The following HIPK4 variants were observed in gnomAD, a reference collection of about 807,000 sequenced individuals.
HIPK4 encodes the protein homeodomain-interacting protein kinase 4.
A neutral mutation model predicts 44.8 loss-of-function variants in HIPK4; 26 were observed. The observed-to-expected ratio is 0.58, with a 90% CI of 0.43 to 0.80. HIPK4 has a LOEUF of 0.80. Among genes scored for constraint, HIPK4 ranks in the 30% least tolerant of loss-of-function variants. The pLI is 0.00. For missense variants in HIPK4, 729 were observed against 862.6 expected, an observed-to-expected ratio of 0.85 and a Z score of 1.94; for synonymous variants, 340 against 355.5, an observed-to-expected ratio of 0.96 and a Z score of 0.49.
intron 1 of HIPK4, among the ~76,000 whole-genome samples, chr19:40,385,685 T>C (rs967756849): frequency 2.5e-5 from 2 of 81,486 alleles, no homozygotes; most frequent in Non-Finnish European, 2.3e-5. Context: ...TTTCTTTTCT[T>C]TTTTTTTTTT....
Position 40,380,615 on chromosome 19 carries a change from G to A in HIPK4, c.1376C>T (p.Ala459Val). ...AVSDMMVPLK[A>V]AITGHHVPDS... ...GGGCACATGGTGGCCAGTGATGGCT[G>A]CCTTGAGGGGGACCATCATGTCGGA... Residue 459 changes from alanine to valine, a missense_variant, in exon 3 of 4, where the codon GCA (alanine) becomes GTA (valine). By Grantham distance (64) the Ala-to-Val change is moderately conservative. Coordinates refer to ENST00000291823, the MANE Select transcript of HIPK4 (RefSeq NM_144685.5). This position sits in a 1 kb window ranked among gnomAD's most constrained non-coding sequence, Gnocchi z 4.2. 2 of 1,613,488 alleles carry A rather than the reference G, an allele frequency of 1.2e-6. No homozygotes were observed. Among genetic ancestry groups the A allele is most frequent in the South Asian group, 1.1e-5 (1 of 91,092 alleles).
rs777338552 is a variant in HIPK4, at chr19:40,381,097, A to G, written c.894T>C (p.Ser298=). The part of the protein sequence containing the change: ...LDQIETVNGG[S]VASRLTFPDR... ...CAGGGAAGGTTAGCCGACTGGCCAC[A>G]CTGCCACCATTCACTGTCTCAATCT... The change falls in exon 3 of 4, where the codon AGT becomes AGC. Residue 298 remains serine, a synonymous_variant. Transcript: ENST00000291823. 33 of 1,611,428 alleles carry G rather than the reference A, an allele frequency of 2.0e-5. No homozygotes were observed. The highest frequency in any genetic ancestry group is 3.3e-4 in the Middle Eastern group (2 of 6,084).
chr19:40,388,532 T>C (rs1173667617), intron 1 of HIPK4, among the ~76,000 whole-genome samples: 1 of 152,182 alleles, frequency 6.6e-6, no homozygotes, highest in African/African-American at 2.4e-5. Flanking sequence ...CCCTGCTGTG[T>C]TTGTGGAAGT....
chr19:40,385,754 C>G (rs1428452212), intron 1 of HIPK4, among the ~76,000 whole-genome samples: 5 of 127,568 alleles, frequency 3.9e-5, no homozygotes, highest in Non-Finnish European at 6.2e-5. Context: ...GTCACCCAGG[C>G]TGGAGTGCAA....
At position 40,389,552 on chromosome 19, in the gene HIPK4, G is replaced by A. The variant is rs779554086; in HGVS notation, c.351C>T (p.Thr117=). The A allele has an allele frequency of 2.5e-6, 4 of 1,613,906 alleles. No homozygotes were observed. In the African/African-American group the frequency reaches 5.3e-5, roughly 22 times the overall value. The change falls in exon 1 of 4, where the codon ACC becomes ACT. Residue 117 remains threonine, a synonymous_variant. Transcript: ENST00000291823. The surrounding 1 kb of genome is among the most constrained non-coding windows in gnomAD (Gnocchi z 4.6). The part of the protein sequence containing the change: ...PLPARHIRTV[T]LQVLTALARL... ...GGGCCAGGGCTGTGAGCACCTGCAG[G>A]GTGACTGTACGGATGTGGCGGGCGG...
At position 40,389,444 on chromosome 19, in the gene HIPK4, C is replaced by T. The variant is rs2079377433; in HGVS notation, c.459G>A (p.Arg153=). 1 of 1,576,156 alleles carries T rather than the reference C, an allele frequency of 6.3e-7. No individual in the cohort carries two copies. The change falls in exon 1 of 4, where the codon AGG becomes AGA. Residue 153 remains arginine (R), a synonymous_variant. Coordinates refer to ENST00000291823, the MANE Select transcript of HIPK4 (RefSeq NM_144685.5). This position sits in a 1 kb window ranked among gnomAD's most constrained non-coding sequence, Gnocchi z 4.6. The stretch of plus-strand genomic sequence containing the variant: ...CTAGACGACCCCTACTCACCTTGAC[C>T]CTGAAGGGGCAGCGGGTCTGGTCCA... ...MLVDQTRCPF[R]VKVIDFGSAS... is the part of the protein sequence containing the mutation.
intron 1 of HIPK4, 56 bp from the exon 2 acceptor site, chr19:40,384,195 G>C: frequency 7.2e-7 from 1 of 1,393,022 alleles, no homozygotes; most frequent in Non-Finnish European, 9.8e-7. Context: ...GGACAGCCGA[G>C]CTGGGCCACC....
At chr19:40,382,300 G>A (rs4803331) in intron 2 of HIPK4, among the ~76,000 whole-genome samples, 131,622 of 152,182 alleles carry the variant, frequency 0.86, 56,979 homozygotes, top group East Asian at 0.95. Context: ...CTAGAGACAC[G>A]GTCTTGCTAT....
intron 2 of HIPK4, among the ~76,000 whole-genome samples, chr19:40,382,295 G>C (rs2079340988): frequency 2.0e-5 from 3 of 152,092 alleles, no homozygotes; most frequent in African/African-American, 7.2e-5. Context: ...TTTTTCTAGA[G>C]ACACGGTCTT....
chr19:40,389,971 C>CGGGAG lies in HIPK4; in HGVS notation c.-70_-69insCTCCC. The CGGGAG allele has an allele frequency of 3.2e-6, 4 of 1,242,250 alleles. No homozygotes were observed. The highest frequency in any genetic ancestry group is 4.5e-6 in the Non-Finnish European group (4 of 889,596). The allele number at this position is 1,242,250 out of a possible 1,614,324, so 77.0% of individuals were successfully genotyped here. On this transcript the variant is annotated 5_prime_UTR_variant, in exon 1 of 4. Coordinates refer to ENST00000291823, the MANE Select transcript of HIPK4 (RefSeq NM_144685.5). This position sits in a 1 kb window ranked among gnomAD's most constrained non-coding sequence, Gnocchi z 4.6. ...CACTGGCTCTGCCGCCCAGGCCTCC[C>CGGGAG]GCCTGGCTGCTGACACAGCAGGCCC...
intron 1 of HIPK4, among the ~76,000 whole-genome samples, chr19:40,385,496 C>A (rs1347232292): frequency 6.6e-6 from 1 of 152,098 alleles, no homozygotes; most frequent in African/African-American, 2.4e-5. Context: ...GCACAGGGCT[C>A]CCTGCCTCAC....
chr19:40,384,648 G>A (rs2145718484), intron 1 of HIPK4, among the ~76,000 whole-genome samples: 1 of 126,506 alleles, frequency 7.9e-6, no homozygotes, highest in Admixed American at 9.6e-5. Context: ...GTCTCACTCT[G>A]TCGCCCAGGC....
In HIPK4 at chr19:40,389,438, C is replaced by T. The variant is rs746647973; in HGVS notation, c.465G>A (p.Lys155=). Residue 155 remains lysine (K), a splice_region_variant and synonymous_variant, in exon 1 of 4, where the codon AAG becomes AAA. Coordinates refer to ENST00000291823, the MANE Select transcript of HIPK4 (RefSeq NM_144685.5). This position sits in a 1 kb window ranked among gnomAD's most constrained non-coding sequence, Gnocchi z 4.6. Reference sequence around the variant, plus strand: ...GCCACCCTAGACGACCCCTACTCACCTTGACCCTGAAGGGGCAGCGGGTCT... The same window carrying T: ...GCCACCCTAGACGACCCCTACTCACTTTGACCCTGAAGGGGCAGCGGGTCT... ...VDQTRCPFRV[K]VIDFGSASIF... 3.8e-6 allele frequency: 6 copies of T among 1,571,378 alleles called. No homozygotes were observed. The South Asian group carries it at 7.1e-5, about 19-fold the overall frequency.
rs1377388046 is a variant in HIPK4, at chr19:40,379,489, G to A, written c.*98C>T. 9.9e-7 allele frequency: 1 copy of A among 1,010,908 alleles called. No individual in the cohort carries two copies. Among genetic ancestry groups the A allele is most frequent in the African/African-American group, 1.7e-5 (1 of 59,658 alleles). The allele number at this position is 1,010,908 out of a possible 1,614,324, so 62.6% of individuals were successfully genotyped here. On this transcript the variant is annotated 3_prime_UTR_variant, in exon 4 of 4. Coordinates refer to ENST00000291823, the MANE Select transcript of HIPK4 (RefSeq NM_144685.5). ...AACTATCTTTCTGTAAGAATAATTT[G>A]TGGGTTCAGGAGATGGCTCTGAGGA...
In HIPK4 at chr19:40,379,632, G is replaced by C. The variant is rs759737423; in HGVS notation, c.1806C>G (p.Pro602=). The C allele has an allele frequency of 5.8e-6, 9 of 1,555,318 alleles. No homozygotes were observed. Among genetic ancestry groups the C allele is most frequent in the Non-Finnish European group, 7.8e-6 (9 of 1,152,076 alleles). ...GCTGGAGGAAGCTGGTGGCCCCCCG[G>C]GGTGGACCATGCTGGTGGGAGCGGC... ...PPRRSHQHGP[P]RGATSFLQHV... is the part of the protein sequence containing the mutation. The change falls in exon 4 of 4, where the codon CCC becomes CCG. Residue 602 remains proline, a synonymous_variant. Transcript: ENST00000291823.
chr19:40,389,891 G>T lies in HIPK4; in HGVS notation c.12C>A (p.Ile4=). The change falls in exon 1 of 4, where the codon ATC becomes ATA. Residue 4 remains isoleucine (I), a synonymous_variant. Transcript: ENST00000291823. This position sits in a 1 kb window ranked among gnomAD's most constrained non-coding sequence, Gnocchi z 4.6. ...TGTCGTAGCAGTCAGTCTCCGACTG[G>T]ATGGTGGACATGGTGCCGCTGCTGC... The part of the protein sequence containing the change: MST[I]QSETDCYDII... 6.2e-7 allele frequency: 1 copy of T among 1,606,724 alleles called. No individual in the cohort carries two copies. Among genetic ancestry groups the T allele is most frequent in the South Asian group, 1.1e-5 (1 of 91,050 alleles).
rs2079334435 is a variant in HIPK4, at chr19:40,381,122, T to C, written c.869A>G (p.Gln290Arg). The C allele has an allele frequency of 1.9e-6, 3 of 1,608,068 alleles. No individual in the cohort carries two copies. Among genetic ancestry groups the C allele is most frequent in the East Asian group, 2.2e-5 (1 of 44,878 alleles). ...RRKYMLKSLD[Q>R]IETVNGGSVA... ...ACTGCCACCATTCACTGTCTCAATC[T>C]GGTCCAACGACTTGAGCATATACTT... Residue 290 changes from glutamine to arginine, a missense_variant, in exon 3 of 4, where the codon CAG becomes CGG. Gln to Arg is a conservative substitution (Grantham distance 43). Transcript: ENST00000291823.
rs75693631 is a variant in HIPK4 at position 40,380,797 on chromosome 19, C to T, written c.1194G>A (p.Glu398=). 3.7e-6 allele frequency: 6 copies of T among 1,614,114 alleles called. No individual in the cohort carries two copies. The highest frequency in any genetic ancestry group is 4.2e-6 in the Non-Finnish European group (5 of 1,179,968). ...DGTPYYCLAE[E]KEAAGMGSVA... The stretch of plus-strand genomic sequence containing the variant: ...CACTGCCCATACCCGCAGCCTCCTT[C>T]TCCTCAGCCAGACAGTAGTAGGGGG... The change falls in exon 3 of 4, where the codon GAG becomes GAA. Residue 398 remains glutamate (E), a synonymous_variant. Coordinates refer to ENST00000291823, the MANE Select transcript of HIPK4 (RefSeq NM_144685.5). The surrounding 1 kb of genome is among the most constrained non-coding windows in gnomAD (Gnocchi z 4.2).
chr19:40,384,178 G>C (rs763239431), intron 1 of HIPK4, 39 bp from the exon 2 acceptor site: 5 of 1,512,912 alleles, frequency 3.3e-6, no homozygotes, highest in Non-Finnish European at 4.5e-6. Context: ...GGCAGGTCAA[G>C]CAGCAGGGAC....
Sources: allele counts gnomAD v4.1 joint callset (sites outside exome capture counted in the v4.1 genomes callset), GRCh38; gene constraint gnomAD v4.1.1; non-coding constraint Gnocchi (gnomAD v3.1); transcripts MANE v1.5; gene names NCBI Gene and HGNC (gene_info 2026-07-23, HGNC 2026-07-21).